The following SLC38A4 variants were observed in gnomAD, a reference collection of about 807,000 sequenced individuals.
SLC38A4 encodes the protein solute carrier family 38 member 4, also known as sodium-coupled neutral amino acid transporter 4.
Under a neutral mutation model 63.1 loss-of-function variants are expected in SLC38A4, and 20 were observed. The observed-to-expected ratio is 0.32, with a 90% CI of 0.22 to 0.46. The LOEUF (loss-of-function observed/expected upper bound fraction) is 0.46, where lower values mean the gene tolerates loss of function less well. Among genes scored for constraint, SLC38A4 ranks in the 20% least tolerant of loss-of-function variants. SLC38A4 has a pLI of 1.00. For synonymous variants in SLC38A4, 230 were observed against 225.5 expected, an observed-to-expected ratio of 1.02 and a Z score of -0.18; for missense variants, 526 against 663.6, an observed-to-expected ratio of 0.79 and a Z score of 2.28.
rs56369362 is a variant in SLC38A4, at chr12:46,788,757, A to G, written c.120-139T>C. ...CCCCAATTTTCTTTTCCTCCTTCAC[A>G]CTAACGGTCATTCCAGACCAACAAT... is the stretch of plus-strand genomic sequence containing the variant. On this transcript the variant is annotated intron_variant, in intron 3 of 16. Coordinates refer to ENST00000266579, the MANE Select transcript of SLC38A4 (RefSeq NM_018018.5). The G allele has an allele frequency of 0.019, 13,433 of 693,084 alleles. 1,356 individuals are homozygous for G. In the African/African-American group the frequency reaches 0.22, roughly 11 times the overall value. 42.9% of individuals were successfully genotyped at this position (693,084 alleles called of 1,614,324 possible).
chr12:46,781,841 G>C (rs1322190710), intron 7 of SLC38A4, among the ~76,000 whole-genome samples: 1 of 151,874 alleles, frequency 6.6e-6, no homozygotes, highest in African/African-American at 2.4e-5. Flanking sequence ...TTGAGTCCAG[G>C]GTTAATTATG....
intron 2 of SLC38A4, among the ~76,000 whole-genome samples, chr12:46,798,066 A>G (rs1939054589): frequency 6.6e-6 from 1 of 152,000 alleles, no homozygotes; most frequent in Admixed American, 6.6e-5. Context: ...AGCTACCATC[A>G]TGTCTACTGT....
intron 1 of SLC38A4, among the ~76,000 whole-genome samples, chr12:46,824,049 G>C (rs1481840894): frequency 3.3e-5 from 5 of 152,214 alleles, no homozygotes; most frequent in African/African-American, 7.2e-5. Flanking sequence ...TTGGGCTAAA[G>C]ATGCTGTTTT....
Position 46,788,584 on chromosome 12 carries a change from A to G in SLC38A4, c.154T>C (p.Phe52Leu). Residue 52 changes from phenylalanine to leucine, a missense_variant, in exon 4 of 17, where the codon TTC (phenylalanine) becomes CTC (leucine). Transcript: ENST00000266579. ...TTCCCCAAAAATCCATTTGTCAGGA[A>G]TTTCTGACTTTCAGTGTCTTCATTA... The part of the protein sequence containing the change: ...FANEDTESQK[F>L]LTNGFLGKKK... 2 of 1,613,742 alleles carry G rather than the reference A, an allele frequency of 1.2e-6. No individual in the cohort carries two copies. Among genetic ancestry groups the G allele is most frequent in the Non-Finnish European group, 1.7e-6 (2 of 1,179,868 alleles).
Position 46,788,561 on chromosome 12 carries a change from C to T in SLC38A4, c.177G>A (p.Gly59=), listed in dbSNP as rs1478129303. 2.5e-6 allele frequency: 4 copies of T among 1,613,482 alleles called. No individual in the cohort carries two copies. Among genetic ancestry groups the T allele is most frequent in the African/African-American group, 2.7e-5 (2 of 74,882 alleles). The change falls in exon 4 of 17, where the codon GGG becomes GGA. Residue 59 remains glycine (G), a synonymous_variant. Transcript: ENST00000266579. ...SQKFLTNGFL[G]KKKLADYADE... is the part of the protein sequence containing the mutation. ...CAGCATAATCTGCCAGCTTCTTTTT[C>T]CCCAAAAATCCATTTGTCAGGAATT...
chr12:46,779,694 G>T, intron 9 of SLC38A4, 25 bp from the exon 10 acceptor site: 2 of 1,597,852 alleles, frequency 1.3e-6, no homozygotes, highest in Non-Finnish European at 1.7e-6. Flanking sequence ...AAGCATTTTG[G>T]AAGGTGAATA....
intron 14 of SLC38A4, among the ~76,000 whole-genome samples, chr12:46,772,553 C>G (rs190004687): frequency 1.3e-4 from 20 of 152,164 alleles, no homozygotes; most frequent in African/African-American, 4.8e-4. Flanking sequence ...TGATACCCCA[C>G]CCACTACTAA....
intron 3 of SLC38A4, among the ~76,000 whole-genome samples, chr12:46,790,303 A>C (rs1422469846): frequency 6.6e-6 from 1 of 152,154 alleles, no homozygotes; most frequent in Non-Finnish European, 1.5e-5. Context: ...TCAAGGCATA[A>C]ATAGCTCTGA....
intron 14 of SLC38A4, among the ~76,000 whole-genome samples, chr12:46,773,405 G>A (rs1012427972): frequency 4.6e-5 from 7 of 152,042 alleles, no homozygotes; most frequent in African/African-American, 1.7e-4. Flanking sequence ...ACATTGCAAG[G>A]GTGAGGACAG....
At chr12:46,832,046 A>G (rs183090532) in intron 1 of SLC38A4, among the ~76,000 whole-genome samples, 1 of 151,612 alleles carries the variant, frequency 6.6e-6, no homozygotes, top group East Asian at 1.9e-4. Context: ...TCTTCCCTCC[A>G]TGTGCCCTAG....
Position 46,788,622 on chromosome 12 carries a change from AACAC to A in SLC38A4, c.120-8_120-5del. 3 of 1,599,186 alleles carry A rather than the reference AACAC, an allele frequency of 1.9e-6. No homozygotes were observed. The highest frequency in any genetic ancestry group is 2.6e-6 in the Non-Finnish European group (3 of 1,169,508). ...AGTGTCTTCATTAGCAAATTGACTG[AACAC>A]ACACACACACAAATAAGAAAGTGAA... On this transcript the variant is annotated splice_region_variant and splice_polypyrimidine_tract_variant and intron_variant, in intron 3 of 16. Coordinates refer to ENST00000266579, the MANE Select transcript of SLC38A4 (RefSeq NM_018018.5).
intron 2 of SLC38A4, among the ~76,000 whole-genome samples, chr12:46,803,288 T>C (rs145261028): frequency 6.6e-4 from 100 of 152,184 alleles, no homozygotes; most frequent in African/African-American, 2.3e-3. Flanking sequence ...TAGTCCATGA[T>C]CAACCTGGAG....
intron 7 of SLC38A4, among the ~76,000 whole-genome samples, chr12:46,783,770 T>G (rs1319626403): frequency 6.6e-6 from 1 of 151,496 alleles, no homozygotes; most frequent in Middle Eastern, 3.2e-3. Flanking sequence ...AGGGACTGGG[T>G]AGGAGGTGAG....
In SLC38A4 at chr12:46,779,880, G is replaced by T. The variant is rs1410015388; in HGVS notation, c.576-18C>A. 1.2e-6 allele frequency: 2 copies of T among 1,609,948 alleles called. No homozygotes were observed. Among genetic ancestry groups the T allele is most frequent in the Non-Finnish European group, 1.7e-6 (2 of 1,177,060 alleles). On this transcript the variant is annotated intron_variant, in intron 8 of 16. Transcript: ENST00000266579. ...ACCATTCTCTAGAAGTGAGAGACAA[G>T]GATATTAGAATCAGAAAAGACCAAG...
chr12:46,797,161 C>T (rs912253727), intron 2 of SLC38A4, among the ~76,000 whole-genome samples: 3 of 152,088 alleles, frequency 2.0e-5, no homozygotes, highest in African/African-American at 4.8e-5. Flanking sequence ...CTTCATATAA[C>T]GTGATGGTTA....
chr12:46,772,003 T>C (rs1938426023), intron 14 of SLC38A4, among the ~76,000 whole-genome samples: 1 of 151,978 alleles, frequency 6.6e-6, no homozygotes. Flanking sequence ...AGAGACAACA[T>C]CTGTTATTTC....
At chr12:46,768,274 C>T (rs778404550) in intron 16 of SLC38A4, 36 bp downstream of exon 16, 13 of 1,440,650 alleles carry the variant, frequency 9.0e-6, no homozygotes, top group Non-Finnish European at 1.1e-5. Flanking sequence ...GTTGGAAGAA[C>T]AACTAATAAT....
intron 1 of SLC38A4, among the ~76,000 whole-genome samples, chr12:46,818,999 A>T (rs530756286): frequency 3.6e-4 from 55 of 151,956 alleles, no homozygotes; most frequent in African/African-American, 1.3e-3. Flanking sequence ...TCAGGGCAAC[A>T]GAAGAAGAAA....
intron 2 of SLC38A4, among the ~76,000 whole-genome samples, chr12:46,794,674 A>C (rs1448636931): frequency 6.6e-6 from 1 of 151,952 alleles, no homozygotes; most frequent in Non-Finnish European, 1.5e-5. Context: ...AAAAAGAAAA[A>C]TACAAATAAG....
Sources: gnomAD v4.1 joint callset for allele counts (sites outside exome capture counted in the v4.1 genomes callset) on GRCh38, gnomAD v4.1.1 for gene constraint, MANE v1.5 for transcripts, NCBI Gene and HGNC (gene_info 2026-07-23, HGNC 2026-07-21) for gene names.